The following SRGAP1 variants were observed in gnomAD, a reference collection of about 807,000 sequenced individuals.
The protein encoded by SRGAP1 is SLIT-ROBO Rho GTPase activating protein 1, also known as SLIT-ROBO Rho GTPase-activating protein 1.
SRGAP1 carries 43 observed loss-of-function variants against 121.9 expected under a neutral mutation model. That is an observed-to-expected ratio of 0.35 (90% CI 0.28 to 0.46). SRGAP1 has a LOEUF of 0.46. Ranked by LOEUF, SRGAP1 falls within the 20% of genes least tolerant of loss-of-function variation. The probability of loss-of-function intolerance (pLI) is 1.00; values close to 1 mark genes in which losing one functional copy is unlikely to be tolerated. For synonymous variants in SRGAP1, 447 were observed against 485.4 expected, an observed-to-expected ratio of 0.92 and a Z score of 1.04; for missense variants, 1,102 against 1,350.9, an observed-to-expected ratio of 0.82 and a Z score of 2.89.
chr12:63,858,954 C>T (rs561356804), intron 1 of SRGAP1, among the ~76,000 whole-genome samples: 12 of 152,258 alleles, frequency 7.9e-5, no homozygotes, highest in East Asian at 7.7e-4. Flanking sequence ...CCACCCGCCT[C>T]GGCCTCCCAA....
At chr12:64,135,403 T>C (rs1214898830) in intron 21 of SRGAP1, among the ~76,000 whole-genome samples, 2 of 152,180 alleles carry the variant, frequency 1.3e-5, no homozygotes, top group Admixed American at 6.5e-5. Flanking sequence ...TCTTAGCAGA[T>C]TTGAGGTTCA....
chr12:64,102,384 G>A (rs935177392), intron 15 of SRGAP1, among the ~76,000 whole-genome samples: 1 of 152,130 alleles, frequency 6.6e-6, no homozygotes, highest in Non-Finnish European at 1.5e-5. Context: ...TATGTACTTT[G>A]TAAAGCAGCT....
intron 4 of SRGAP1, among the ~76,000 whole-genome samples, chr12:64,041,399 T>TTTGTTTA (rs1565652856): frequency 8.2e-6 from 1 of 122,174 alleles, no homozygotes; most frequent in Non-Finnish European, 1.6e-5. Flanking sequence ...TTATTTATTT[T>TTTGTTTA]TTTGAGGCAA....
intron 1 of SRGAP1, among the ~76,000 whole-genome samples, chr12:63,873,401 C>T (rs1027005680): frequency 3.3e-5 from 5 of 151,750 alleles, no homozygotes; most frequent in East Asian, 2.0e-4. Flanking sequence ...AGTATGGTGG[C>T]GCATGCCTGT....
intron 1 of SRGAP1, among the ~76,000 whole-genome samples, chr12:63,886,356 C>T (rs567465027): frequency 2.0e-5 from 3 of 152,142 alleles, no homozygotes; most frequent in African/African-American, 7.2e-5. Flanking sequence ...GCCATCGTGC[C>T]TGGCCAATGA....
At chr12:64,135,630 C>A (rs1373006954) in intron 21 of SRGAP1, among the ~76,000 whole-genome samples, 3 of 152,176 alleles carry the variant, frequency 2.0e-5, no homozygotes, top group Non-Finnish European at 2.9e-5. Context: ...TTGCATAACT[C>A]TCTAAACAGT....
chr12:64,052,571 A>G (rs2035257353), intron 6 of SRGAP1, among the ~76,000 whole-genome samples: 1 of 151,972 alleles, frequency 6.6e-6, no homozygotes, highest in Non-Finnish European at 1.5e-5. Flanking sequence ...AAAAAACAAA[A>G]TAAACGTATA....
At chr12:63,849,449 T>C (rs1447672612) in intron 1 of SRGAP1, among the ~76,000 whole-genome samples, 1 of 152,236 alleles carries the variant, frequency 6.6e-6, no homozygotes, top group East Asian at 1.9e-4. Flanking sequence ...TGCTAAGAAT[T>C]GACAGTTATT....
intron 3 of SRGAP1, among the ~76,000 whole-genome samples, chr12:63,995,929 C>A (rs576270406): frequency 6.6e-6 from 1 of 150,910 alleles, no homozygotes; most frequent in Non-Finnish European, 1.5e-5. Context: ...TTCAAATACA[C>A]CATTTAAAAT....
Position 64,161,194 on chromosome 12 carries a change from C to A in SRGAP1, c.*18522C>A, listed in dbSNP as rs1216643672. ...ATTAATTCATTCTCAAAATCTTCCACAGAAATGCTTTCAAACTCAATGCAT... is the reference window on the plus strand; with the variant it reads ...ATTAATTCATTCTCAAAATCTTCCAAAGAAATGCTTTCAAACTCAATGCAT... On this transcript the variant is annotated 3_prime_UTR_variant, in exon 22 of 22. Transcript: ENST00000355086. 3 of 152,182 alleles carry A rather than the reference C, an allele frequency of 2.0e-5. No individual in the cohort carries two copies. The East Asian group carries it at 5.8e-4, about 29-fold the overall frequency. The allele number at this position is 152,182 out of a possible 1,614,324, so 9.4% of individuals were successfully genotyped here.
At chr12:64,116,578 A>C (rs1169145740) in intron 18 of SRGAP1, among the ~76,000 whole-genome samples, 1 of 152,036 alleles carries the variant, frequency 6.6e-6, no homozygotes, top group Non-Finnish European at 1.5e-5. Context: ...AGTTGCTTGC[A>C]GTTTGAACTG....
At chr12:64,047,495 C>T (rs915864359) in intron 6 of SRGAP1, among the ~76,000 whole-genome samples, 3 of 151,958 alleles carry the variant, frequency 2.0e-5, no homozygotes, top group African/African-American at 2.4e-5. Flanking sequence ...GTAATGCCTC[C>T]GGTGAGAAAA....
intron 8 of SRGAP1, among the ~76,000 whole-genome samples, chr12:64,072,156 G>GGGT (rs2035653195): frequency 6.8e-6 from 1 of 147,798 alleles, no homozygotes; most frequent in African/African-American, 2.5e-5. Flanking sequence ...GTGGGCGGCG[G>GGGT]GGGGGGGCTC....
At chr12:63,935,057 G>GCT (rs1351507218) in intron 1 of SRGAP1, among the ~76,000 whole-genome samples, 2 of 152,164 alleles carry the variant, frequency 1.3e-5, no homozygotes, top group African/African-American at 4.8e-5. Flanking sequence ...AGTGCCCTTG[G>GCT]CTCTCCACCA....
intron 15 of SRGAP1, among the ~76,000 whole-genome samples, chr12:64,098,000 A>G (rs2036190473): frequency 6.6e-6 from 1 of 152,182 alleles, no homozygotes; most frequent in East Asian, 1.9e-4. Context: ...TGATACCATG[A>G]ATTAATTATT....
intron 3 of SRGAP1, among the ~76,000 whole-genome samples, chr12:64,015,212 C>T (rs1386640045): frequency 1.3e-5 from 2 of 152,070 alleles, no homozygotes; most frequent in African/African-American, 4.8e-5. Context: ...AATTGTTGGC[C>T]CAGATCCTTG....
chr12:63,913,543 T>C (rs1305387486), intron 1 of SRGAP1, among the ~76,000 whole-genome samples: 1 of 148,462 alleles, frequency 6.7e-6, no homozygotes, highest in African/African-American at 2.5e-5. Context: ...ATTATATATA[T>C]ACACACATAT....
chr12:63,848,087 C>T (rs913499219), intron 1 of SRGAP1, among the ~76,000 whole-genome samples: 11 of 151,706 alleles, frequency 7.3e-5, no homozygotes, highest in Non-Finnish European at 1.5e-4. Flanking sequence ...CTCAGTGCAA[C>T]CTCCACCTCC....
At chr12:64,138,921 G>A (rs969759193) in intron 21 of SRGAP1, among the ~76,000 whole-genome samples, 1 of 151,958 alleles carries the variant, frequency 6.6e-6, no homozygotes, top group Non-Finnish European at 1.5e-5. Context: ...AACAACCCTT[G>A]GTCATACTGT....
Sources: gnomAD v4.1 joint callset for allele counts (sites outside exome capture counted in the v4.1 genomes callset) on GRCh38, gnomAD v4.1.1 for gene constraint, MANE v1.5 for transcripts, NCBI Gene and HGNC (gene_info 2026-07-23, HGNC 2026-07-21) for gene names.